The following BTAF1 variants were observed in gnomAD, a reference collection of about 807,000 sequenced individuals.
The protein encoded by BTAF1 is TATA-binding protein-associated factor 172.
Under a neutral mutation model 227.1 loss-of-function variants are expected in BTAF1, and 38 were observed. The observed-to-expected ratio is 0.17, with a 90% CI of 0.13 to 0.22. The LOEUF is 0.22. Ranked by LOEUF, BTAF1 falls within the 10% of genes least tolerant of loss-of-function variation. BTAF1 has a pLI of 1.00. For synonymous variants in BTAF1, 742 were observed against 751.9 expected (o/e 0.99, Z 0.21); for missense variants, 1,598 against 2,204.0 (o/e 0.73, Z 5.51).
chr10:91,951,617 G>A (rs374354850), intron 5 of BTAF1, 51 bp downstream of exon 5: 3 of 1,505,142 alleles, frequency 2.0e-6, no homozygotes, highest in African/African-American at 1.4e-5. Flanking sequence ...CAAAGGGTTT[G>A]CTTCATTTTG....
intron 3 of BTAF1, among the ~76,000 whole-genome samples, chr10:91,941,705 A>C (rs111509268): frequency 1.3e-3 from 202 of 152,334 alleles, no homozygotes; most frequent in African/African-American, 4.4e-3. Flanking sequence ...TTGTCTTCTA[A>C]CTGAGCACTG....
intron 6 of BTAF1, among the ~76,000 whole-genome samples, chr10:91,956,097 A>T (rs1275756096): frequency 2.0e-5 from 3 of 151,976 alleles, no homozygotes; most frequent in Non-Finnish European, 4.4e-5. Context: ...TTATCTCCAT[A>T]TTTTTCAAGA....
chr10:92,026,352 C>T (rs1408724282), intron 35 of BTAF1, among the ~76,000 whole-genome samples: 1 of 152,130 alleles, frequency 6.6e-6, no homozygotes, highest in African/African-American at 2.4e-5. Flanking sequence ...CCTGATGTTA[C>T]TAAATTCAAT....
At chr10:92,019,891 G>GTTT (rs11406652) in intron 34 of BTAF1, among the ~76,000 whole-genome samples, 31 of 139,396 alleles carry the variant, frequency 2.2e-4, no homozygotes, top group Non-Finnish European at 3.2e-4. Context: ...TGTTGTTGCT[G>GTTT]TTTTTTTTTT....
rs1234748987 is a variant in BTAF1 at position 91,992,293 on chromosome 10, T to C, written c.3029T>C (p.Leu1010Pro). The C allele has an allele frequency of 6.2e-7, 1 of 1,606,688 alleles. No individual in the cohort carries two copies. The highest frequency in any genetic ancestry group is 1.3e-5 in the African/African-American group (1 of 74,392). ...DLPAGSSGNILVELDEAQKPY... is the reference protein window; with the variant it reads ...DLPAGSSGNIPVELDEAQKPY... ...CCTGCAGGAAGTAGTGGAAATATTCTTGTTGAACTTGATGAGGTAAGTAGT... is the reference window on the plus strand; with the variant it reads ...CCTGCAGGAAGTAGTGGAAATATTCCTGTTGAACTTGATGAGGTAAGTAGT... The change falls in exon 21 of 38, where the codon CTT becomes CCT. Residue 1010 changes from leucine to proline, a missense_variant. Around this residue, in one of 10 missense-constraint regions of BTAF1, gnomAD observed 425 missense variants for 491.2 expected, o/e 0.87. Coordinates refer to ENST00000265990, the MANE Select transcript of BTAF1 (RefSeq NM_003972.3).
intron 5 of BTAF1, among the ~76,000 whole-genome samples, chr10:91,952,492 T>C (rs999901634): frequency 6.6e-6 from 1 of 152,216 alleles, no homozygotes; most frequent in Admixed American, 6.5e-5. Flanking sequence ...TGACCCCCAG[T>C]ATTCTTTTAG....
At chr10:92,018,986 A>AT (rs1338965980) in intron 34 of BTAF1, 51 bp downstream of exon 34, 1 of 1,381,648 alleles carries the variant, frequency 7.2e-7, no homozygotes, top group Non-Finnish European at 9.5e-7. Context: ...AGGAATATAA[A>AT]TTCTTGGTAA....
rs1444224856 is a variant in BTAF1, at chr10:91,982,625, G to A, written c.2087G>A (p.Gly696Asp). ...CTTTGTTGCTGTATTTGTGATCCAG[G>A]TGTAAATGTGGTAACTCAAGAAATT... ...GALCCCICDPGVNVVTQEIKP... is the reference protein window; with the variant it reads ...GALCCCICDPDVNVVTQEIKP... The change falls in exon 18 of 38, where the codon GGT (glycine) becomes GAT (aspartate). Residue 696 changes from glycine to aspartate, a missense_variant. By Grantham distance (94) the Gly-to-Asp change is moderately conservative. Around this residue, in one of 10 missense-constraint regions of BTAF1, gnomAD observed 318 missense variants for 435.0 expected, o/e 0.73. Coordinates refer to ENST00000265990, the MANE Select transcript of BTAF1 (RefSeq NM_003972.3). The A allele has an allele frequency of 5.0e-6, 8 of 1,613,642 alleles. No homozygotes were observed. Among genetic ancestry groups the A allele is most frequent in the Admixed American group, 3.3e-5 (2 of 59,984 alleles).
In BTAF1 at chr10:91,992,243, A is replaced by C. The variant is rs778131169; in HGVS notation, c.2979A>C (p.Ala993=). Residue 993 remains alanine (A), a synonymous_variant, in exon 21 of 38, where the codon GCA becomes GCC. Coordinates refer to ENST00000265990, the MANE Select transcript of BTAF1 (RefSeq NM_003972.3). ...GTAGGCGAGGTCCTACCCCCAAAGC[A>C]GTAAAAGCTCAAATAGCAGATCTTC... The part of the protein sequence containing the change: ...ITSRRGPTPK[A]VKAQIADLPA... The C allele has an allele frequency of 5.6e-6, 9 of 1,613,974 alleles. No homozygotes were observed. Among genetic ancestry groups the C allele is most frequent in the Non-Finnish European group, 6.8e-6 (8 of 1,179,980 alleles).
Position 92,008,103 on chromosome 10 carries a change from C to G in BTAF1, c.3661-20C>G. On this transcript the variant is annotated intron_variant, in intron 25 of 37. Transcript: ENST00000265990. ...ACTGTGAGTACGTAGTTTTTAATAA[C>G]TTTAAAAAAATCATTTTAGGCAGGC... is the stretch of plus-strand genomic sequence containing the variant. 6.4e-7 allele frequency: 1 copy of G among 1,559,328 alleles called. No homozygotes were observed. Among genetic ancestry groups the G allele is most frequent in the Non-Finnish European group, 8.6e-7 (1 of 1,163,738 alleles).
At chr10:91,998,798 C>T (rs1849307480) in intron 25 of BTAF1, among the ~76,000 whole-genome samples, 2 of 152,086 alleles carry the variant, frequency 1.3e-5, no homozygotes, top group Admixed American at 1.3e-4. Flanking sequence ...TGCCTGTAAT[C>T]CCAGCACTTT....
At chr10:91,943,579 T>C (rs1845161353) in intron 4 of BTAF1, among the ~76,000 whole-genome samples, 1 of 152,218 alleles carries the variant, frequency 6.6e-6, no homozygotes, top group Non-Finnish European at 1.5e-5. Flanking sequence ...AAATGTCAAA[T>C]ACTCATTTCA....
At chr10:91,943,658 T>C (rs1309035735) in intron 4 of BTAF1, among the ~76,000 whole-genome samples, 1 of 152,162 alleles carries the variant, frequency 6.6e-6, no homozygotes, top group Non-Finnish European at 1.5e-5. Flanking sequence ...ATAATTTGCT[T>C]AAGTTTTGGA....
chr10:91,998,004 G>A (rs893475391), intron 25 of BTAF1, among the ~76,000 whole-genome samples: 1 of 151,766 alleles, frequency 6.6e-6, no homozygotes, highest in Non-Finnish European at 1.5e-5. Context: ...GTGTGTGCCT[G>A]TAGTCTCAGC....
At chr10:92,005,820 CATTAT>C (rs1849838272) in intron 25 of BTAF1, among the ~76,000 whole-genome samples, 1 of 151,380 alleles carries the variant, frequency 6.6e-6, no homozygotes, top group Non-Finnish European at 1.5e-5. Context: ...AGTGACATTG[CATTAT>C]ACTATTGCAG....
At chr10:92,012,454 G>A (rs1281484982) in intron 30 of BTAF1, among the ~76,000 whole-genome samples, 1 of 148,106 alleles carries the variant, frequency 6.8e-6, no homozygotes, top group Non-Finnish European at 1.5e-5. Context: ...ATAATTACAA[G>A]CCTTTCTAAA....
At chr10:91,987,843 T>C (rs943484455) in intron 19 of BTAF1, among the ~76,000 whole-genome samples, 1 of 152,222 alleles carries the variant, frequency 6.6e-6, no homozygotes, top group Non-Finnish European at 1.5e-5. Flanking sequence ...TATTCACTTC[T>C]GCTCATTCTC....
At chr10:91,985,637 C>A (rs1362945465) in intron 19 of BTAF1, among the ~76,000 whole-genome samples, 1 of 152,104 alleles carries the variant, frequency 6.6e-6, no homozygotes, top group African/African-American at 2.4e-5. Flanking sequence ...TCCACATCAT[C>A]AATATTTGAT....
At position 91,989,206 on chromosome 10, in the gene BTAF1, T is replaced by C. The variant is rs1848594710; in HGVS notation, c.2480T>C (p.Val827Ala). The change falls in exon 20 of 38, where the codon GTG (valine) becomes GCG (alanine). Residue 827 changes from valine to alanine, a missense_variant. By Grantham distance (64) the Val-to-Ala change is moderately conservative. Around this residue, in one of 10 missense-constraint regions of BTAF1, gnomAD observed 425 missense variants for 491.2 expected, o/e 0.87. Coordinates refer to ENST00000265990, the MANE Select transcript of BTAF1 (RefSeq NM_003972.3). ...ATSSFDLNPQ[V>A]LQQLDSKRQQ... Reference sequence around the variant, plus strand: ...TCATCTTTCGATTTAAATCCTCAAGTGTTACAACAGTTAGATAGTAAACGA... The same window carrying C: ...TCATCTTTCGATTTAAATCCTCAAGCGTTACAACAGTTAGATAGTAAACGA... 1.2e-6 allele frequency: 2 copies of C among 1,614,028 alleles called. No individual in the cohort carries two copies. Among genetic ancestry groups the C allele is most frequent in the Non-Finnish European group, 1.7e-6 (2 of 1,180,042 alleles).
Sources: gnomAD v4.1 joint callset for allele counts (sites outside exome capture counted in the v4.1 genomes callset) on GRCh38, gnomAD v4.1.1 for gene constraint, gnomAD v4.1.1 regional missense constraint, MANE v1.5 for transcripts, NCBI Gene and HGNC (gene_info 2026-07-23, HGNC 2026-07-21) for gene names.